Variants in FGF13 observed in about 807,000 individuals in gnomAD.
FGF13 encodes fibroblast growth factor homologous factor 2.
In FGF13, 2 loss-of-function variants were observed where a neutral mutation model predicts 19.5. That is an observed-to-expected ratio of 0.10 (90% CI 0.04 to 0.32). The LOEUF (loss-of-function observed/expected upper bound fraction) is 0.32, where lower values mean the gene tolerates loss of function less well. Ranked by LOEUF, FGF13 falls within the 10% of genes least tolerant of loss-of-function variation. The pLI is 1.00. For synonymous variants in FGF13, 72 were observed against 76.9 expected, an observed-to-expected ratio of 0.94 and a Z score of 0.33; for missense variants, 113 against 192.7, an observed-to-expected ratio of 0.59 and a Z score of 2.45.
chrX:139,054,892 G>GTAT (rs2092315934), intron 1 of FGF13, among the ~76,000 whole-genome samples: 1 of 101,940 alleles, frequency 9.8e-6, no homozygotes, highest in African/African-American at 3.8e-5. Context: ...GTGTTGTGTT[G>GTAT]TGTTGTGTTG....
In FGF13 at chrX:138,629,032, T is replaced by C. The variant is rs1225870458; in HGVS notation, c.*3818A>G. 3 of 112,033 alleles carry C rather than the reference T, an allele frequency of 2.7e-5. No individual in the cohort carries two copies. The highest frequency in any genetic ancestry group is 9.5e-5 in the Admixed American group (1 of 10,543). 9.2% of individuals were successfully genotyped at this position (112,033 alleles called of 1,213,427 possible). On this transcript the variant is annotated 3_prime_UTR_variant, in exon 5 of 5. Transcript: ENST00000315930. The stretch of plus-strand genomic sequence containing the variant: ...ATTGAATACACGTTCACAGATGGGG[T>C]GGAAAACTGACATTAAGTGCCATGC...
intron 2 of FGF13, among the ~76,000 whole-genome samples, chrX:138,704,657 G>A (rs935159656): frequency 8.9e-6 from 1 of 111,976 alleles, no homozygotes; most frequent in Non-Finnish European, 1.9e-5. Context: ...ACAACGTATC[G>A]TTCCTTTAAA....
At chrX:138,931,059 C>G (rs1276406393) in intron 1 of FGF13, among the ~76,000 whole-genome samples, 2 of 112,631 alleles carry the variant, frequency 1.8e-5, no homozygotes, top group African/African-American at 6.5e-5. Flanking sequence ...AAAGGATTTT[C>G]TACCATAATC....
At chrX:139,167,967 G>A (rs2084099928) in intron 1 of FGF13, among the ~76,000 whole-genome samples, 1 of 112,175 alleles carries the variant, frequency 8.9e-6, no homozygotes, top group South Asian at 3.6e-4. Flanking sequence ...TGTAGTTAAA[G>A]AGAAGACATC....
At chrX:139,148,604 TAA>T (rs754469846) in intron 1 of FGF13, among the ~76,000 whole-genome samples, 67 of 84,597 alleles carry the variant, frequency 7.9e-4, no homozygotes, top group African/African-American at 1.4e-3. Flanking sequence ...GCCATTGGTT[TAA>T]AAAAAAAAAA....
chrX:139,135,238 G>A (rs770991114), intron 1 of FGF13, among the ~76,000 whole-genome samples: 1 of 111,614 alleles, frequency 9.0e-6, no homozygotes, highest in African/African-American at 3.3e-5. Context: ...GTAGGTATTA[G>A]TGGGAGTGAA....
intron 1 of FGF13, among the ~76,000 whole-genome samples, chrX:138,976,840 G>T (rs1271671242): frequency 9.0e-6 from 1 of 111,515 alleles, no homozygotes; most frequent in Non-Finnish European, 1.9e-5. Flanking sequence ...AGATTTGATT[G>T]TTGAAATTAT....
intron 1 of FGF13, among the ~76,000 whole-genome samples, chrX:138,881,805 C>A (rs2091426598): frequency 9.0e-6 from 1 of 111,312 alleles, no homozygotes; most frequent in African/African-American, 3.3e-5. Context: ...CTTTGTCAAT[C>A]TAAACAAAGT....
intron 1 of FGF13, among the ~76,000 whole-genome samples, chrX:138,888,048 T>G (rs1223760677): frequency 8.9e-6 from 1 of 112,486 alleles, no homozygotes; most frequent in Admixed American, 9.4e-5. Context: ...TTTGTATGGT[T>G]GTTTCATTCT....
intron 2 of FGF13, among the ~76,000 whole-genome samples, chrX:138,858,732 G>A (rs1383494103): frequency 2.8e-5 from 3 of 107,719 alleles, no homozygotes; most frequent in Non-Finnish European, 5.7e-5. Context: ...TTTCTTGTGG[G>A]GTGAATAATG....
upstream of FGF13, among the ~76,000 whole-genome samples, chrX:138,743,401 G>A (rs1428504939): frequency 9.0e-6 from 1 of 111,619 alleles, no homozygotes; most frequent in Non-Finnish European, 1.9e-5. Context: ...GGATGAATTA[G>A]AGGAGCACAG....
At chrX:138,846,047 C>A (rs988296850) in intron 3 of FGF13, among the ~76,000 whole-genome samples, 4 of 111,042 alleles carry the variant, frequency 3.6e-5, no homozygotes, top group African/African-American at 6.5e-5. Flanking sequence ...CCATAGAGGG[C>A]TGTGATTAAT....
At chrX:139,197,758 G>A (rs1462522629) in intron 1 of FGF13, among the ~76,000 whole-genome samples, 2 of 111,208 alleles carry the variant, frequency 1.8e-5, no homozygotes, top group African/African-American at 6.5e-5. Context: ...TTGGGAGGCC[G>A]AGGCGGGTGG....
Position 138,619,682 on chromosome X carries a change from A to G in FGF13, c.*13168T>C, listed in dbSNP as rs2088999360. 8.9e-6 allele frequency: 1 copy of G among 112,030 alleles called. No homozygotes were observed. Among genetic ancestry groups the G allele is most frequent in the Non-Finnish European group, 1.9e-5 (1 of 53,248 alleles). The allele number at this position is 112,030 out of a possible 1,213,427, so 9.2% of individuals were successfully genotyped here. ...GACATGAACAGACACTTCTCAAAAA[A>G]AGACATTCATGAGGCCAACGAACAT... On this transcript the variant is annotated 3_prime_UTR_variant, in exon 5 of 5. Transcript: ENST00000315930.
chrX:138,789,114 G>T lies in FGF13; in HGVS notation c.217+68398C>A, dbSNP rs182154507. ...TTTCCATCTGAAATTTCATCAGAAT[G>T]GCCTTTATTCATATTTCTACCTGCA... On this transcript the variant is annotated intron_variant, in intron 3 of 6. Coordinates refer to the FGF13 transcript ENST00000436198. 5.7e-3 allele frequency among the ~76,000 whole-genome samples: 638 copies of T among 111,515 alleles called. 3 individuals carry two copies. Among genetic ancestry groups the T allele is most frequent in the African/African-American group, 0.019 (593 of 30,602 alleles).
intron 1 of FGF13, among the ~76,000 whole-genome samples, chrX:139,192,470 C>G (rs1274752945): frequency 9.0e-6 from 1 of 110,942 alleles, no homozygotes; most frequent in Admixed American, 9.5e-5. Context: ...AGTAGGTCAG[C>G]GGGAGGGTTT....
intron 1 of FGF13, among the ~76,000 whole-genome samples, chrX:138,949,609 C>G (rs1569428520): frequency 9.0e-6 from 1 of 111,621 alleles, no homozygotes; most frequent in Non-Finnish European, 1.9e-5. Flanking sequence ...GTGTTCCAAG[C>G]GGATGTGAAT....
chrX:138,705,934 C>G (rs2089988012), intron 2 of FGF13, among the ~76,000 whole-genome samples: 1 of 112,387 alleles, frequency 8.9e-6, no homozygotes, highest in Non-Finnish European at 1.9e-5. Context: ...TTTGAAGAAG[C>G]TTTTAAAACA....
At chrX:138,968,816 G>A (rs1317907654) in intron 1 of FGF13, among the ~76,000 whole-genome samples, 1 of 111,799 alleles carries the variant, frequency 8.9e-6, no homozygotes, top group Non-Finnish European at 1.9e-5. Context: ...TCAGGCAGAG[G>A]AAATGGCATA....
Sources: allele counts gnomAD v4.1 joint callset (sites outside exome capture counted in the v4.1 genomes callset), GRCh38; gene constraint gnomAD v4.1.1; transcripts MANE v1.5; gene names NCBI Gene and HGNC (gene_info 2026-07-23, HGNC 2026-07-21).